Variants in SPEG observed in about 807,000 individuals in gnomAD.
SPEG encodes the protein striated muscle preferentially expressed protein kinase.
A neutral mutation model predicts 300.4 loss-of-function variants in SPEG; 114 were observed. That is an observed-to-expected ratio of 0.38 (90% confidence interval 0.33 to 0.44). SPEG has a LOEUF of 0.44. SPEG is among the 20% of genes least tolerant of loss of function. SPEG has a pLI of 1.00. For synonymous variants in SPEG, 1,964 were observed against 2,018.9 expected (o/e 0.97, Z 0.73); for missense variants, 4,201 against 4,586.2 (o/e 0.92, Z 2.43).
rs1694141347 is a variant in SPEG, at chr2:219,493,390, C to CA, written c.*605dup. ...GGAGAGCTGGAGGCCAGCAGTCACT[C>CA]ACACTCGCTCTGTCCTCCTGTCCAG... On this transcript the variant is annotated 3_prime_UTR_variant, in exon 41 of 41. Transcript: ENST00000312358. The CA allele has an allele frequency of 2.8e-6, 1 of 362,416 alleles. No individual in the cohort carries two copies. The highest frequency in any genetic ancestry group is 2.1e-5 in the African/African-American group (1 of 47,042). The allele number at this position is 362,416 out of a possible 1,614,324, so 22.5% of individuals were successfully genotyped here.
chr2:219,477,216 C>CGGGG lies in SPEG; in HGVS notation c.4561-61_4561-60insGGGG, dbSNP rs376344559. 1.2e-4 allele frequency: 171 copies of CGGGG among 1,467,078 alleles called. 3 individuals carry two copies. Among genetic ancestry groups the CGGGG allele is most frequent in the South Asian group, 2.1e-4 (16 of 77,940 alleles). 90.9% of individuals were successfully genotyped at this position (1,467,078 alleles called of 1,614,324 possible). On this transcript the variant is annotated intron_variant, in intron 19 of 40. Coordinates refer to ENST00000312358, the MANE Select transcript of SPEG (RefSeq NM_005876.5). The surrounding 1 kb of genome is among the most constrained non-coding windows in gnomAD (Gnocchi z 6.4). ...GCGCTGCCCAGAGTAGGAGATGAGG[C>CGGGG]CCTGGCCCCAAGGTAGAGATGAGGC...
Position 219,477,349 on chromosome 2 carries a change from C to G in SPEG, c.4633C>G (p.Leu1545Val). Residue 1545 changes from leucine to valine, a missense_variant, in exon 20 of 41, where the codon CTC becomes GTC. Transcript: ENST00000312358. This position sits in a 1 kb window ranked among gnomAD's most constrained non-coding sequence, Gnocchi z 6.4. ...YEENECSLVVLSTGAQDGGVY... is the reference protein window; with the variant it reads ...YEENECSLVVVSTGAQDGGVY... ...GGAGAATGAGTGCTCCCTGGTGGTG[C>G]TCAGCACGGGGGCCCAGGATGGAGG... The G allele has an allele frequency of 1.2e-6, 2 of 1,613,608 alleles. No homozygotes were observed. Among genetic ancestry groups the G allele is most frequent in the South Asian group, 1.1e-5 (1 of 90,994 alleles).
intron 18 of SPEG, among the ~76,000 whole-genome samples, 171 bp from the exon 19 acceptor site, chr2:219,476,699 A>G (rs1261374713): frequency 1.1e-5 from 1 of 94,708 alleles, no homozygotes; most frequent in East Asian, 3.0e-4. Flanking sequence ...CAGGCAGGGA[A>G]CTCTGTTGTC....
chr2:219,490,668 G>GAGT lies in SPEG; in HGVS notation c.9161+23_9161+25dup. 1 of 1,609,702 alleles carries GAGT rather than the reference G, an allele frequency of 6.2e-7. No individual in the cohort carries two copies. Among genetic ancestry groups the GAGT allele is most frequent in the South Asian group, 1.1e-5 (1 of 91,016 alleles). On this transcript the variant is annotated intron_variant, in intron 37 of 40. Transcript: ENST00000312358. The stretch of plus-strand genomic sequence containing the variant: ...TGACAGGTAGCTGGGAATTCTAGGG[G>GAGT]AGTAGGGAGGAAGAGGTAGGGGAGG...
Position 219,489,867 on chromosome 2 carries a change from C to T in SPEG, c.8849C>T (p.Pro2950Leu). 1 of 1,611,044 alleles carries T rather than the reference C, an allele frequency of 6.2e-7. No individual in the cohort carries two copies. Among genetic ancestry groups the T allele is most frequent in the Non-Finnish European group, 8.5e-7 (1 of 1,178,042 alleles). ...SSPGSSPRSS[P>L]RPEGTTLRQG... Reference sequence around the variant, plus strand: ...CCTGGGAGCAGTCCCCGAAGCTCTCCCAGGCCTGAGGGTACCACTCTTCGA... The same window carrying T: ...CCTGGGAGCAGTCCCCGAAGCTCTCTCAGGCCTGAGGGTACCACTCTTCGA... The change falls in exon 36 of 41, where the codon CCC becomes CTC. Residue 2950 changes from proline to leucine, a missense_variant. Transcript: ENST00000312358.
chr2:219,484,282 G>T lies in SPEG; in HGVS notation c.6819G>T (p.Lys2273Asn). 3 of 1,608,072 alleles carry T rather than the reference G, an allele frequency of 1.9e-6. No homozygotes were observed. The highest frequency in any genetic ancestry group is 2.5e-6 in the Non-Finnish European group (3 of 1,179,546). The part of the protein sequence containing the change: ...QGPAAPPSEP[K>N]PHAAVFARVA... The stretch of plus-strand genomic sequence containing the variant: ...CTGCCGCGCCGCCTTCAGAGCCCAA[G>T]CCCCACGCTGCTGTCTTTGCCAGGG... Residue 2273 changes from lysine to asparagine, a missense_variant, in exon 30 of 41, where the codon AAG (lysine) becomes AAT (asparagine). By Grantham distance (94) the Lys-to-Asn change is moderately conservative. Around this residue, in one of 4 missense-constraint regions of SPEG, gnomAD observed 1,578 missense variants for 1,506.0 expected, o/e 1.05. Transcript: ENST00000312358.
intron 1 of SPEG, among the ~76,000 whole-genome samples, chr2:219,437,490 T>C (rs1227413087): frequency 6.6e-6 from 1 of 152,096 alleles, no homozygotes; most frequent in Non-Finnish European, 1.5e-5. Flanking sequence ...CTTGAGAGGC[T>C]TGGGGTAAGA....
Position 219,443,656 on chromosome 2 carries a change from G to A in SPEG, c.389-997G>A. 3.2e-6 allele frequency: 1 copy of A among 315,942 alleles called. No individual in the cohort carries two copies. Among genetic ancestry groups the A allele is most frequent in the South Asian group, 2.7e-5 (1 of 37,056 alleles). The allele number at this position is 315,942 out of a possible 1,614,324, so 19.6% of individuals were successfully genotyped here. A position where few individuals can be genotyped will look rare whatever the true frequency, so the allele number is the denominator to read the frequency against. ...ATAAGGGGTTGGTTTGCAAAGAGGG[G>A]TCAAAGCACAATGCAAATATTGTAA... On this transcript the variant is annotated intron_variant, in intron 1 of 40. Transcript: ENST00000312358. This position sits in a 1 kb window ranked among gnomAD's most constrained non-coding sequence, Gnocchi z 4.6.
rs372494202 is a variant in SPEG at position 219,467,235 on chromosome 2, C to T, written c.2943C>T (p.Ala981=). ...LAPLQDVDVG[A]GEMALFECLV... ...CCCTGCAGGACGTGGACGTGGGGGCCGGGGAGATGGCGCTGTTTGAGTGCC... is the reference window on the plus strand; with the variant it reads ...CCCTGCAGGACGTGGACGTGGGGGCTGGGGAGATGGCGCTGTTTGAGTGCC... The change falls in exon 10 of 41, where the codon GCC becomes GCT. Residue 981 remains alanine, a synonymous_variant. Coordinates refer to ENST00000312358, the MANE Select transcript of SPEG (RefSeq NM_005876.5). The T allele has an allele frequency of 8.1e-4, 1,295 of 1,604,122 alleles. 14 individuals are homozygous for T. The South Asian group carries it at 8.7e-3, about 11-fold the overall frequency.
chr2:219,450,609 A>T (rs540169711), intron 4 of SPEG: 1 of 152,454 alleles, frequency 6.6e-6, no homozygotes, highest in Admixed American at 6.5e-5. Context: ...GATGAAATCA[A>T]ATCTGATCTT....
At chr2:219,466,298 C>T in intron 9 of SPEG, 1 of 1,419,334 alleles carries the variant, frequency 7.0e-7, no homozygotes, top group South Asian at 1.5e-5. Flanking sequence ...CCAGGAGGCC[C>T]ACAGATGGAC....
rs1289767679 is a variant in SPEG at position 219,492,171 on chromosome 2, G to A, written c.9522G>A (p.Val3174=). Residue 3174 remains valine (V), a synonymous_variant, in exon 40 of 41, where the codon GTG becomes GTA. Coordinates refer to ENST00000312358, the MANE Select transcript of SPEG (RefSeq NM_005876.5). The stretch of plus-strand genomic sequence containing the variant: ...CCCAGGAAACGGAGGCTCGGATTGT[G>A]GGGGGCCGCTTTGATGCCTTCCAGC... ...PDPQETEARI[V]GGRFDAFQLY... The A allele has an allele frequency of 6.2e-7, 1 of 1,613,686 alleles. No individual in the cohort carries two copies. Among genetic ancestry groups the A allele is most frequent in the Admixed American group, 1.7e-5 (1 of 60,004 alleles).
chr2:219,466,037 A>G (rs779064327), intron 9 of SPEG: 2 of 1,603,044 alleles, frequency 1.2e-6, no homozygotes, highest in African/African-American at 2.7e-5. Flanking sequence ...TTGCTGACTG[A>G]GGTTTTTGTC....
At chr2:219,466,094 T>C in intron 9 of SPEG, 1 of 1,596,626 alleles carries the variant, frequency 6.3e-7, no homozygotes, top group African/African-American at 1.3e-5. Flanking sequence ...CTCCCCCCGC[T>C]ACCCTCCGAG....
At position 219,464,594 on chromosome 2, in the gene SPEG, G is replaced by A. The variant is rs768824686; in HGVS notation, c.2867G>A (p.Arg956His). ...TATGGTGCTCGGCAGTGCGAGGCCC[G>A]CTTGGAGGTCCGAGGTGAGTACCTG... ...NEYGARQCEARLEVRAHPESR... is the reference protein window; with the variant it reads ...NEYGARQCEAHLEVRAHPESR... The change falls in exon 9 of 41, where the codon CGC becomes CAC. Residue 956 changes from arginine (R) to histidine (H), a missense_variant. Physicochemically the swap from Arg to His is conservative, Grantham distance 29. This residue lies in a region of SPEG where 1,047 missense variants were observed against 1,356.8 expected (regional missense o/e 0.77). Transcript: ENST00000312358. The surrounding 1 kb of genome is among the most constrained non-coding windows in gnomAD (Gnocchi z 4.5). 6.8e-6 allele frequency: 11 copies of A among 1,613,868 alleles called. No homozygotes were observed. In the South Asian group the frequency reaches 7.7e-5, roughly 11 times the overall value.
At chr2:219,436,628 G>C (rs923731067) in intron 1 of SPEG, among the ~76,000 whole-genome samples, 2 of 152,146 alleles carry the variant, frequency 1.3e-5, no homozygotes, top group Admixed American at 6.5e-5. Flanking sequence ...AGAGGGAGCC[G>C]GGCTGGCCTC....
At chr2:219,474,184 C>G (rs1692140119) in intron 18 of SPEG, 1 of 301,338 alleles carries the variant, frequency 3.3e-6, no homozygotes, top group Non-Finnish European at 6.2e-6. Context: ...TCGTGACCAG[C>G]CTCGCCAACA....
At position 219,485,465 on chromosome 2, in the gene SPEG, C is replaced by T. The variant is rs745512518; in HGVS notation, c.7729C>T (p.Arg2577Cys). Residue 2577 changes from arginine to cysteine, a missense_variant, in exon 31 of 41, where the codon CGC becomes TGC. Physicochemically the swap from Arg to Cys is radical, Grantham distance 180. Coordinates refer to ENST00000312358, the MANE Select transcript of SPEG (RefSeq NM_005876.5). ...GGAGGAGTTGGGTCACCAGTACGTGCGCAGTGAGTCAGGTAATAAGAGGCC... is the reference window on the plus strand; with the variant it reads ...GGAGGAGTTGGGTCACCAGTACGTGTGCAGTGAGTCAGGTAATAAGAGGCC... ...VQEELGHQYVRSESDFPPVFH... is the reference protein window; with the variant it reads ...VQEELGHQYVCSESDFPPVFH... 4 of 1,587,024 alleles carry T rather than the reference C, an allele frequency of 2.5e-6. No individual in the cohort carries two copies. The highest frequency in any genetic ancestry group is 2.6e-6 in the Non-Finnish European group (3 of 1,165,788).
In SPEG at chr2:219,484,630, G is replaced by A; in HGVS notation, c.7167G>A (p.Glu2389=). ...GTPLELVRRP[E]RSRSVQDLRA... ...CGCTGGAGCTGGTGCGACGGCCTGA[G>A]CGCTCACGCTCGGTGCAGGACCTCA... is the stretch of plus-strand genomic sequence containing the variant. The change falls in exon 30 of 41, where the codon GAG becomes GAA. Residue 2389 remains glutamate, a synonymous_variant. Transcript: ENST00000312358. 1.3e-6 allele frequency: 2 copies of A among 1,543,172 alleles called. No homozygotes were observed. The highest frequency in any genetic ancestry group is 1.2e-5 in the South Asian group (1 of 84,846).
Sources: gnomAD v4.1 joint callset for allele counts (sites outside exome capture counted in the v4.1 genomes callset) on GRCh38, gnomAD v4.1.1 for gene constraint, gnomAD v4.1.1 regional missense constraint, Gnocchi (gnomAD v3.1) non-coding constraint, MANE v1.5 for transcripts, NCBI Gene and HGNC (gene_info 2026-07-23, HGNC 2026-07-21) for gene names.